The following PDK1 variants were observed in gnomAD, a reference collection of about 807,000 sequenced individuals.
PDK1 encodes the protein pyruvate dehydrogenase kinase 1, also known as [Pyruvate dehydrogenase (acetyl-transferring)] kinase isozyme 1, mitochondrial.
Under a neutral mutation model 54.2 loss-of-function variants are expected in PDK1, and 39 were observed. The observed-to-expected ratio is 0.72, with a 90% CI of 0.56 to 0.94. The LOEUF (loss-of-function observed/expected upper bound fraction) is 0.94, where lower values mean the gene tolerates loss of function less well. Among genes scored for constraint, PDK1 ranks in the 40% least tolerant of loss-of-function variants. The probability of loss-of-function intolerance (pLI) is 0.00; values close to 1 mark genes in which losing one functional copy is unlikely to be tolerated. For missense variants in PDK1, 552 were observed against 566.0 expected (o/e 0.98, Z 0.25); for synonymous variants, 221 against 207.1 (o/e 1.07, Z -0.58).
chr2:172,575,976 G>A (rs963209262), intron 8 of PDK1, among the ~76,000 whole-genome samples: 4 of 152,068 alleles, frequency 2.6e-5, no homozygotes, highest in Admixed American at 2.0e-4. Flanking sequence ...CGCCCAGGCT[G>A]GAGTGCAGTG....
chr2:172,612,673 G>GTT (rs536054323), downstream of PDK1, among the ~76,000 whole-genome samples: 1 of 148,438 alleles, frequency 6.7e-6, no homozygotes, highest in Non-Finnish European at 1.5e-5. Flanking sequence ...TACCAGTAGT[G>GTT]TTTTTTTTTT....
the PDK1 span, among the ~76,000 whole-genome samples, chr2:172,632,116 A>T: frequency 0.18 from 27,784 of 151,962 alleles, 2,737 homozygotes; most frequent in South Asian, 0.24. Flanking sequence ...TCTACTAAAA[A>T]TACAAAAATT....
chr2:172,586,639 C>T (rs1038113346), intron 9 of PDK1, among the ~76,000 whole-genome samples: 1 of 151,876 alleles, frequency 6.6e-6, no homozygotes, highest in South Asian at 2.1e-4. Flanking sequence ...AGTAGTTTTC[C>T]TGTGTAAAAC....
chr2:172,632,265 C>T, the PDK1 span, among the ~76,000 whole-genome samples: 1 of 150,486 alleles, frequency 6.6e-6, no homozygotes, highest in Non-Finnish European at 1.5e-5. Flanking sequence ...GAGTGAGACT[C>T]TGTCTAAAAA....
chr2:172,675,340 T>C, the PDK1 span, among the ~76,000 whole-genome samples: 7 of 152,294 alleles, frequency 4.6e-5, no homozygotes, highest in South Asian at 2.1e-4. Flanking sequence ...GAAGCCAAGA[T>C]TGGCCAAAAG....
At chr2:172,626,658 G>A in the PDK1 span, among the ~76,000 whole-genome samples, 1 of 152,036 alleles carries the variant, frequency 6.6e-6, no homozygotes, top group Non-Finnish European at 1.5e-5. Context: ...GCCCAGTGTG[G>A]TAGTGCATTC....
the PDK1 span, among the ~76,000 whole-genome samples, chr2:172,716,782 A>C: frequency 6.6e-6 from 1 of 152,242 alleles, no homozygotes; most frequent in African/African-American, 2.4e-5. Context: ...GAATAAATCT[A>C]AAATACAGAG....
At chr2:172,677,489 T>C in the PDK1 span, 2 of 152,180 alleles carry the variant, frequency 1.3e-5, no homozygotes, top group Non-Finnish European at 2.9e-5. Context: ...TCCTTAGAAT[T>C]TGAAGAGAAG....
chr2:172,620,403 C>T, the PDK1 span, among the ~76,000 whole-genome samples: 3 of 151,902 alleles, frequency 2.0e-5, no homozygotes, highest in South Asian at 2.1e-4. Context: ...ATAGAGGGGA[C>T]GGTGGAAACG....
the PDK1 span, among the ~76,000 whole-genome samples, chr2:172,715,902 A>G: frequency 6.6e-6 from 1 of 152,228 alleles, no homozygotes; most frequent in South Asian, 2.1e-4. Context: ...AATGAAATAA[A>G]TAAAACTATC....
chr2:172,555,840 C>T, upstream of PDK1: 1 of 262,920 alleles, frequency 3.8e-6, no homozygotes, highest in Non-Finnish European at 7.1e-6. Context: ...CCACACCTCG[C>T]CGGCTGGGGC....
chr2:172,618,119 C>T, the PDK1 span, among the ~76,000 whole-genome samples: 1 of 152,084 alleles, frequency 6.6e-6, no homozygotes, highest in South Asian at 2.1e-4. Context: ...GTGGAAGCTT[C>T]CAAGTCTGCA....
At chr2:172,702,843 C>A in the PDK1 span, among the ~76,000 whole-genome samples, 21 of 152,114 alleles carry the variant, frequency 1.4e-4, no homozygotes, top group Non-Finnish European at 2.6e-4. Context: ...TGGTACCCTG[C>A]CCATATTCTC....
At chr2:172,697,792 C>G in the PDK1 span, among the ~76,000 whole-genome samples, 1 of 151,984 alleles carries the variant, frequency 6.6e-6, no homozygotes, top group African/African-American at 2.4e-5. Context: ...AGATACTGGC[C>G]CAGATCAACA....
intron 8 of PDK1, among the ~76,000 whole-genome samples, chr2:172,574,403 T>G (rs1689465885): frequency 6.6e-6 from 1 of 152,228 alleles, no homozygotes; most frequent in South Asian, 2.1e-4. Context: ...TTGGCTGTTA[T>G]GGGTTCTTGC....
chr2:172,561,245 A>G (rs578067170), intron 2 of PDK1, among the ~76,000 whole-genome samples: 11 of 152,302 alleles, frequency 7.2e-5, no homozygotes, highest in African/African-American at 2.6e-4. Flanking sequence ...TGCCTGTTGT[A>G]GGTACTCAAA....
intron 8 of PDK1, among the ~76,000 whole-genome samples, chr2:172,574,931 T>A (rs35809888): frequency 0.18 from 26,734 of 152,146 alleles, 2,815 homozygotes; most frequent in African/African-American, 0.28. Context: ...GAGACATCCT[T>A]GTCTTTTTTC....
upstream of PDK1, chr2:172,555,593 T>C (rs982058995): frequency 2.6e-5 from 4 of 152,248 alleles, no homozygotes; most frequent in African/African-American, 9.7e-5. Flanking sequence ...GGAAAATGCG[T>C]GGCTTGCGTC....
Position 172,605,630 on chromosome 2 carries a change from C to T in PDK1, c.*9661C>T. On this transcript the variant is annotated 3_prime_UTR_variant, in exon 11 of 11. Transcript: ENST00000282077. Reference sequence around the variant, plus strand: ...GCTCAAGTGATCCTCCTGCCTTGGCCTCCCAAAGTGTTGGGATAGCAGGCA... The same window carrying T: ...GCTCAAGTGATCCTCCTGCCTTGGCTTCCCAAAGTGTTGGGATAGCAGGCA... The T allele has an allele frequency of 6.6e-6, 1 of 152,424 alleles. No individual in the cohort carries two copies. Among genetic ancestry groups the T allele is most frequent in the Non-Finnish European group, 1.5e-5 (1 of 68,146 alleles). The allele number at this position is 152,424 out of a possible 1,614,324, so 9.4% of individuals were successfully genotyped here.
Sources: gnomAD v4.1 joint callset for allele counts (sites outside exome capture counted in the v4.1 genomes callset) on GRCh38, gnomAD v4.1.1 for gene constraint, MANE v1.5 for transcripts, NCBI Gene and HGNC (gene_info 2026-07-23, HGNC 2026-07-21) for gene names.